The following SLC9A3 variants were observed in gnomAD, a reference collection of about 807,000 sequenced individuals.
SLC9A3 encodes the protein sodium/hydrogen exchanger 3.
In SLC9A3, 37 loss-of-function variants were observed where a neutral mutation model predicts 86.8. The ratio of observed to expected loss-of-function variants is 0.43; its 90% confidence interval spans 0.33 to 0.56. The LOEUF (loss-of-function observed/expected upper bound fraction) is 0.56. SLC9A3 is among the 20% of genes least tolerant of loss of function. The pLI, the probability that SLC9A3 is intolerant of heterozygous loss-of-function variation, is 0.06. For missense variants in SLC9A3, 1,011 were observed against 1,171.9 expected (o/e 0.86, Z 2.00); for synonymous variants, 581 against 528.3 (o/e 1.10, Z -1.37).
chr5:488,189 C>T (rs1739558484), intron 3 of SLC9A3, 127 bp downstream of exon 3: 33 of 1,010,942 alleles, frequency 3.3e-5, no homozygotes, highest in Middle Eastern at 2.2e-4. Context: ...AGGGACGGGA[C>T]GCCCCCGGGA....
At chr5:510,134 C>T (rs760461772) in intron 1 of SLC9A3, among the ~76,000 whole-genome samples, 4 of 152,340 alleles carry the variant, frequency 2.6e-5, no homozygotes, top group Middle Eastern at 3.4e-3. Context: ...GGGCCCCTGG[C>T]GGAGCGCGGC....
chr5:503,596 C>T (rs1013367685), intron 1 of SLC9A3, among the ~76,000 whole-genome samples: 1 of 152,102 alleles, frequency 6.6e-6, no homozygotes, highest in African/African-American at 2.4e-5. Context: ...CCTTGAAGAG[C>T]GAATGGTAAA....
chr5:473,664 TG>T (rs2126599582), intron 16 of SLC9A3, among the ~76,000 whole-genome samples: 1 of 152,290 alleles, frequency 6.6e-6, no homozygotes, highest in Admixed American at 6.5e-5. Flanking sequence ...CCCCAGGCCC[TG>T]CAGCGCGGGA....
intron 1 of SLC9A3, among the ~76,000 whole-genome samples, chr5:518,879 GTC>G (rs1232815839): frequency 1.3e-5 from 2 of 152,090 alleles, no homozygotes; most frequent in African/African-American, 2.4e-5. Flanking sequence ...CACCATCCCT[GTC>G]TCTCTCTCAG....
At chr5:519,881 T>C (rs1733835772) in intron 1 of SLC9A3, among the ~76,000 whole-genome samples, 1 of 152,068 alleles carries the variant, frequency 6.6e-6, no homozygotes, top group African/African-American at 2.4e-5. Context: ...CCTGACCCTG[T>C]GCCCTAGCGT....
In SLC9A3 at chr5:497,498, G is replaced by A. The variant is rs1740076781; in HGVS notation, c.212-5427C>T. Among the ~76,000 whole-genome samples the A allele has an allele frequency of 6.6e-6, 1 of 152,206 alleles. No individual in the cohort carries two copies. The highest frequency in any genetic ancestry group is 1.5e-5 in the Non-Finnish European group (1 of 68,036). On this transcript the variant is annotated intron_variant, in intron 1 of 16. Coordinates refer to ENST00000264938, the MANE Select transcript of SLC9A3 (RefSeq NM_004174.4). The surrounding 1 kb of genome is among the most constrained non-coding windows in gnomAD (Gnocchi z 5.4). ...GACACAGTCAGCCGGACTTTGCTTA[G>A]TTCACCTGTCGGAGCCACTCGTTCA... is the stretch of plus-strand genomic sequence containing the variant.
At chr5:484,902 G>A (rs1739393751) in intron 4 of SLC9A3, among the ~76,000 whole-genome samples, 2 of 152,238 alleles carry the variant, frequency 1.3e-5, no homozygotes, top group South Asian at 4.1e-4. Context: ...CCTGGCCCCA[G>A]GCCCTATCCG....
chr5:499,333 G>A (rs1450493634), intron 1 of SLC9A3, among the ~76,000 whole-genome samples: 1 of 152,270 alleles, frequency 6.6e-6, no homozygotes, highest in African/African-American at 2.4e-5. Flanking sequence ...CCTGCTGCCA[G>A]TCGGTATTGA....
rs1187407050 is a variant in SLC9A3 at position 472,075 on chromosome 5, GGTGGGTTGGACCCT to G, written c.*1290_*1303del. ...ACTTCCACCGTGCAGGCAGGTTTCA[GGTGGGTTGGACCCT>G]GTGGGACTTGCCGTCTGAGGGATGG... On this transcript the variant is annotated 3_prime_UTR_variant, in exon 17 of 17. Transcript: ENST00000264938. 4.5e-6 allele frequency: 2 copies of G among 448,810 alleles called. No individual in the cohort carries two copies. The highest frequency in any genetic ancestry group is 4.0e-5 in the African/African-American group (2 of 49,874). 27.8% of individuals were successfully genotyped at this position (448,810 alleles called of 1,614,324 possible).
At chr5:510,603 C>G (rs1740833352) in intron 1 of SLC9A3, among the ~76,000 whole-genome samples, 1 of 152,232 alleles carries the variant, frequency 6.6e-6, no homozygotes, top group African/African-American at 2.4e-5. Context: ...GCCTGGCAGG[C>G]AAACATGCCC....
chr5:485,043 G>T, intron 4 of SLC9A3, 110 bp downstream of exon 4: 1 of 826,830 alleles, frequency 1.2e-6, no homozygotes, highest in Non-Finnish European at 2.1e-6. Context: ...AGGGCCCAGT[G>T]TAGCAGCTTT....
At position 475,125 on chromosome 5, in the gene SLC9A3, G is replaced by T. The variant is rs1738635865; in HGVS notation, c.2259C>A (p.Asp753Glu). The change falls in exon 16 of 17, where the codon GAC becomes GAA. Residue 753 changes from aspartate (D) to glutamate (E), a missense_variant. Asp to Glu is a conservative substitution (Grantham distance 45). Coordinates refer to ENST00000264938, the MANE Select transcript of SLC9A3 (RefSeq NM_004174.4). The part of the protein sequence containing the change: ...DTASDSPAGI[D>E]NPVFSPDEAL... The stretch of plus-strand genomic sequence containing the variant: ...CCTCGTCCGGAGAAAACACAGGGTT[G>T]TCAATTCCTAGGAGAGAGGGCAGCG... The T allele has an allele frequency of 6.3e-7, 1 of 1,592,926 alleles. No homozygotes were observed. The highest frequency in any genetic ancestry group is 1.3e-5 in the African/African-American group (1 of 74,398).
chr5:511,622 C>A (rs1740872425), intron 1 of SLC9A3, among the ~76,000 whole-genome samples: 1 of 152,258 alleles, frequency 6.6e-6, no homozygotes, highest in Non-Finnish European at 1.5e-5. Context: ...TGGCCGAAAC[C>A]CAGGACACGG....
At position 479,476 on chromosome 5, in the gene SLC9A3, G is replaced by A. The variant is rs1739011056; in HGVS notation, c.1647+360C>T. Reference sequence around the variant, plus strand: ...CTCTGCCTGTGCGTGTGCACCTGTGGGCACCTGCGTGTGCTGGGGCAGGCA... The same window carrying A: ...CTCTGCCTGTGCGTGTGCACCTGTGAGCACCTGCGTGTGCTGGGGCAGGCA... On this transcript the variant is annotated intron_variant, in intron 10 of 16. Transcript: ENST00000264938. 17 of 260,054 alleles carry A rather than the reference G, an allele frequency of 6.5e-5. No individual in the cohort carries two copies. In the South Asian group the frequency reaches 6.7e-4, roughly 10 times the overall value. The allele number at this position is 260,054 out of a possible 1,614,324, so 16.1% of individuals were successfully genotyped here.
At chr5:501,124 A>T (rs1423625635) in intron 1 of SLC9A3, among the ~76,000 whole-genome samples, 1 of 152,078 alleles carries the variant, frequency 6.6e-6, no homozygotes, top group Non-Finnish European at 1.5e-5. Flanking sequence ...CTAATTACAA[A>T]CCCTGTGCCT....
At chr5:486,882 C>CACCACACTGACACCGTGATCCAG (rs1739500011) in intron 3 of SLC9A3, among the ~76,000 whole-genome samples, 1 of 141,206 alleles carries the variant, frequency 7.1e-6, no homozygotes, top group African/African-American at 2.7e-5. Flanking sequence ...CACTGACACC[C>CACCACACTGACACCGTGATCCAG]ACCGCACTGA....
At position 490,638 on chromosome 5, in the gene SLC9A3, G is replaced by A. The variant is rs928278347; in HGVS notation, c.514+1131C>T. On this transcript the variant is annotated intron_variant, in intron 2 of 16. Coordinates refer to ENST00000264938, the MANE Select transcript of SLC9A3 (RefSeq NM_004174.4). ...GGGAGGAAGCTGGGATCTCATGGGC[G>A]AGGGGCCATCTGGCAAGGTAGGTGT... 2.6e-5 allele frequency among the ~76,000 whole-genome samples: 4 copies of A among 152,350 alleles called. No individual in the cohort carries two copies. In the South Asian group the frequency reaches 8.3e-4, roughly 32 times the overall value.
At position 492,077 on chromosome 5, in the gene SLC9A3, G is replaced by A. The variant is rs1444103587; in HGVS notation, c.212-6C>T. On this transcript the variant is annotated splice_polypyrimidine_tract_variant and splice_region_variant and intron_variant, in intron 1 of 16. Transcript: ENST00000264938. ...CTTGTGGGACAGGTGGAACCCTGTGGGGGAAGGGAGGGAGGTCAGGGCCGG... is the reference window on the plus strand; with the variant it reads ...CTTGTGGGACAGGTGGAACCCTGTGAGGGAAGGGAGGGAGGTCAGGGCCGG... The A allele has an allele frequency of 4.1e-6, 6 of 1,471,510 alleles. No individual in the cohort carries two copies. The highest frequency in any genetic ancestry group is 4.5e-6 in the Non-Finnish European group (5 of 1,101,574). The allele number at this position is 1,471,510 out of a possible 1,614,324, so 91.2% of individuals were successfully genotyped here. A position where few individuals can be genotyped will look rare whatever the true frequency, so the allele number is the denominator to read the frequency against.
intron 1 of SLC9A3, among the ~76,000 whole-genome samples, chr5:518,756 A>G (rs545652640): frequency 6.6e-6 from 1 of 152,274 alleles, no homozygotes; most frequent in Non-Finnish European, 1.5e-5. Flanking sequence ...TTGGGCCCAG[A>G]CAGGCATCTT....
Sources: allele counts gnomAD v4.1 joint callset (sites outside exome capture counted in the v4.1 genomes callset), GRCh38; gene constraint gnomAD v4.1.1; non-coding constraint Gnocchi (gnomAD v3.1); transcripts MANE v1.5; gene names NCBI Gene and HGNC (gene_info 2026-07-23, HGNC 2026-07-21).